MSRA: variants seen among roughly 807,000 people sequenced by gnomAD.
The protein encoded by MSRA is methionine sulfoxide reductase A.
In MSRA, 54 loss-of-function variants were observed where a neutral mutation model predicts 31.3. The observed-to-expected ratio is 1.73, with a 90% CI of 1.39 to 2.17. The LOEUF is 2.17. Ranked by LOEUF, MSRA falls within the 30% of genes most tolerant of loss-of-function variation. The pLI is 0.00. For missense variants in MSRA, 507 were observed against 300.9 expected, an observed-to-expected ratio of 1.69 and a Z score of -5.07; for synonymous variants, 169 against 116.5, an observed-to-expected ratio of 1.45 and a Z score of -2.90.
At chr8:10,221,985 A>G (rs1810549892) in intron 2 of MSRA, among the ~76,000 whole-genome samples, 1 of 152,082 alleles carries the variant, frequency 6.6e-6, no homozygotes, top group African/African-American at 2.4e-5. Flanking sequence ...ATGAAGGGCA[A>G]TTCACAGGTA....
chr8:10,298,043 G>T (rs1055911227), intron 3 of MSRA, among the ~76,000 whole-genome samples: 39 of 152,180 alleles, frequency 2.6e-4, no homozygotes, highest in Non-Finnish European at 2.6e-4. Context: ...TTGAAACCTG[G>T]TTCGCGTATG....
Position 10,298,927 on chromosome 8 carries a change from A to G in MSRA, c.332-2607A>G, listed in dbSNP as rs554952346. On this transcript the variant is annotated intron_variant, in intron 3 of 5. Coordinates refer to ENST00000317173, the MANE Select transcript of MSRA (RefSeq NM_012331.5). ...TGAGATGGATTTCCTGGATCACTTA[A>G]TCAAGGTAAATGAGCGTCTTTGTGG... Among the ~76,000 whole-genome samples, 12 of 152,296 alleles carry G rather than the reference A, an allele frequency of 7.9e-5. No homozygotes were observed. In the East Asian group the frequency reaches 2.3e-3, roughly 29 times the overall value.
chr8:10,209,360 T>C (rs1313241507), intron 2 of MSRA, among the ~76,000 whole-genome samples: 3 of 152,190 alleles, frequency 2.0e-5, no homozygotes, highest in African/African-American at 4.8e-5. Flanking sequence ...TGGGAAATAG[T>C]AAATGACACT....
chr8:10,112,862 C>G lies in MSRA; in HGVS notation c.142+58204C>G, dbSNP rs552743975. ...CTGCAGCCATTCCTTGTCTGAAGAG[C>G]TCTCACCCTTGAACTTTTATGGCTG... On this transcript the variant is annotated intron_variant, in intron 1 of 5. Transcript: ENST00000317173. Among the ~76,000 whole-genome samples the G allele has an allele frequency of 3.3e-5, 5 of 152,268 alleles. No homozygotes were observed. The South Asian group carries it at 6.2e-4, about 19-fold the overall frequency.
At chr8:10,148,821 ACT>A (rs1295658820) in intron 1 of MSRA, among the ~76,000 whole-genome samples, 4 of 91,210 alleles carry the variant, frequency 4.4e-5, no homozygotes, top group Admixed American at 1.5e-4. Flanking sequence ...AAAAAAGGAA[ACT>A]CTGTCTCAAA....
intron 1 of MSRA, among the ~76,000 whole-genome samples, chr8:10,071,617 G>C (rs1797735324): frequency 6.6e-6 from 1 of 151,590 alleles, no homozygotes; most frequent in Non-Finnish European, 1.5e-5. Context: ...TATGCTTTTT[G>C]TTTTCCTTAA....
At chr8:10,312,335 A>G (rs1247852280) in intron 4 of MSRA, among the ~76,000 whole-genome samples, 3 of 152,228 alleles carry the variant, frequency 2.0e-5, no homozygotes, top group Admixed American at 1.3e-4. Context: ...GGATATCACT[A>G]CAGATGTGGG....
At chr8:10,141,748 C>G (rs1554461493) in intron 1 of MSRA, among the ~76,000 whole-genome samples, 1 of 149,812 alleles carries the variant, frequency 6.7e-6, no homozygotes, top group Non-Finnish European at 1.5e-5. Flanking sequence ...ATTTAGTTTG[C>G]TTTCTTCTTT....
intron 3 of MSRA, among the ~76,000 whole-genome samples, chr8:10,264,639 G>A (rs1343098878): frequency 2.0e-5 from 3 of 152,166 alleles, no homozygotes; most frequent in Admixed American, 1.3e-4. Context: ...GGCATGATGA[G>A]GGAGATGCTG....
intron 1 of MSRA, among the ~76,000 whole-genome samples, chr8:10,203,509 A>G (rs1282581090): frequency 6.6e-6 from 1 of 152,234 alleles, no homozygotes; most frequent in African/African-American, 2.4e-5. Flanking sequence ...TTTATCACCT[A>G]GTGACATTGT....
At chr8:10,217,576 A>G (rs1810104281) in intron 2 of MSRA, among the ~76,000 whole-genome samples, 1 of 152,220 alleles carries the variant, frequency 6.6e-6, no homozygotes, top group South Asian at 2.1e-4. Flanking sequence ...GCTTAGTATA[A>G]TGAAGCCTTG....
intron 3 of MSRA, among the ~76,000 whole-genome samples, chr8:10,290,128 T>C (rs1423772765): frequency 1.3e-5 from 2 of 152,194 alleles, no homozygotes; most frequent in Non-Finnish European, 2.9e-5. Context: ...AATGTGGTTC[T>C]TCAGACTCCA....
chr8:10,081,460 A>T (rs145258701), intron 1 of MSRA, among the ~76,000 whole-genome samples: 1 of 152,178 alleles, frequency 6.6e-6, no homozygotes, highest in East Asian at 1.9e-4. Context: ...GCATCTCCAG[A>T]TGCTACCTCT....
At chr8:10,157,828 C>T (rs1354262717) in intron 1 of MSRA, among the ~76,000 whole-genome samples, 1 of 152,104 alleles carries the variant, frequency 6.6e-6, no homozygotes, top group Non-Finnish European at 1.5e-5. Flanking sequence ...TCCCTTCCCT[C>T]TCTCCATCCC....
At chr8:10,274,149 G>A (rs776533496) in intron 3 of MSRA, among the ~76,000 whole-genome samples, 2 of 152,186 alleles carry the variant, frequency 1.3e-5, no homozygotes, top group African/African-American at 4.8e-5. Context: ...AGAGAAAGAA[G>A]GGTAGGTTTG....
At chr8:10,289,581 G>A (rs1172012089) in intron 3 of MSRA, among the ~76,000 whole-genome samples, 1 of 152,162 alleles carries the variant, frequency 6.6e-6, no homozygotes, top group Non-Finnish European at 1.5e-5. Context: ...TAGTCACCCT[G>A]TTGTGCTATC....
intron 1 of MSRA, among the ~76,000 whole-genome samples, chr8:10,060,548 A>G (rs940100736): frequency 2.6e-5 from 4 of 151,536 alleles, no homozygotes; most frequent in Non-Finnish European, 4.4e-5. Context: ...GCATTTGTGA[A>G]TTACATAACT....
intron 5 of MSRA, among the ~76,000 whole-genome samples, chr8:10,423,378 C>A (rs1808930524): frequency 6.6e-6 from 1 of 152,192 alleles, no homozygotes; most frequent in Admixed American, 6.5e-5. Context: ...GGAACCCCTG[C>A]CCCATCACTG....
intron 4 of MSRA, among the ~76,000 whole-genome samples, chr8:10,307,797 C>A (rs1801221309): frequency 6.6e-6 from 1 of 152,170 alleles, no homozygotes; most frequent in Non-Finnish European, 1.5e-5. Flanking sequence ...GCTGAGAGTG[C>A]TGGTTAACCC....
Sources: gnomAD v4.1 joint callset for allele counts (sites outside exome capture counted in the v4.1 genomes callset) on GRCh38, gnomAD v4.1.1 for gene constraint, MANE v1.5 for transcripts, NCBI Gene and HGNC (gene_info 2026-07-23, HGNC 2026-07-21) for gene names.